The following DIAPH3 variants were observed in gnomAD, a reference collection of about 807,000 sequenced individuals.
DIAPH3 encodes the protein protein diaphanous homolog 3.
In DIAPH3, 117 loss-of-function variants were observed where a neutral mutation model predicts 144.3. That is an observed-to-expected ratio of 0.81 (90% CI 0.70 to 0.95). DIAPH3 has a LOEUF of 0.95. Ranked by LOEUF, DIAPH3 falls within the 40% of genes least tolerant of loss-of-function variation. DIAPH3 has a pLI of 0.00. For missense variants in DIAPH3, 1,421 were observed against 1,412.7 expected, an observed-to-expected ratio of 1.01 and a Z score of -0.09; for synonymous variants, 519 against 488.9, an observed-to-expected ratio of 1.06 and a Z score of -0.81.
At chr13:60,105,099 CAAAAAAAAAAAAAA>C (rs60853102) in intron 3 of DIAPH3, among the ~76,000 whole-genome samples, 2 of 41,840 alleles carry the variant, frequency 4.8e-5, no homozygotes, top group African/African-American at 1.0e-4. Context: ...GACACGATCT[CAAAAAAAAAAAAAA>C]AAAAAAAAAA....
At chr13:59,839,111 TAAATAAAC>T in intron 23 of DIAPH3, 1 of 451,582 alleles carries the variant, frequency 2.2e-6, no homozygotes, top group Non-Finnish European at 3.9e-6. Context: ...AATAAATAAA[TAAATAAAC>T]AAACAGACAG....
chr13:60,155,609 A>T lies in DIAPH3; in HGVS notation c.180+7978T>A, dbSNP rs187980292. Reference sequence around the variant, plus strand: ...ACAATGCCTGGTGTGTGTTAGGTAGAATTCTGACACGAATAAAATTTAGGT... The same window carrying T: ...ACAATGCCTGGTGTGTGTTAGGTAGTATTCTGACACGAATAAAATTTAGGT... On this transcript the variant is annotated intron_variant, in intron 1 of 27. Coordinates refer to ENST00000400324, the MANE Select transcript of DIAPH3 (RefSeq NM_001042517.2). Among the ~76,000 whole-genome samples, 355 of 152,342 alleles carry T rather than the reference A, an allele frequency of 2.3e-3. 2 individuals carry two copies. The highest frequency in any genetic ancestry group is 7.7e-3 in the African/African-American group (319 of 41,572).
At chr13:59,950,879 CAA>C in intron 17 of DIAPH3, among the ~76,000 whole-genome samples, 1 of 151,906 alleles carries the variant, frequency 6.6e-6, no homozygotes, top group South Asian at 2.1e-4. Context: ...TGCTAGAAAA[CAA>C]AAGTTTTGAA....
chr13:60,073,119 G>A (rs1179807209), intron 4 of DIAPH3, among the ~76,000 whole-genome samples: 1 of 152,128 alleles, frequency 6.6e-6, no homozygotes, highest in East Asian at 1.9e-4. Flanking sequence ...GACCAGGCTG[G>A]TAGACATGGC....
rs904728190 is a variant in DIAPH3, at chr13:60,016,465, G to C, written c.627-320C>G. ...GAAAGTATTCACACCAAAGAAACTG[G>C]CAAACCAATCAGAGCCTCCCCCACC... On this transcript the variant is annotated intron_variant, in intron 5 of 27. Transcript: ENST00000400324. Among the ~76,000 whole-genome samples the C allele has an allele frequency of 3.9e-5, 6 of 152,092 alleles. No homozygotes were observed. The East Asian group carries it at 7.7e-4, about 20-fold the overall frequency.
intron 5 of DIAPH3, among the ~76,000 whole-genome samples, chr13:60,041,147 GAACATA>G: frequency 6.6e-6 from 1 of 151,712 alleles, no homozygotes; most frequent in Admixed American, 6.6e-5. Context: ...ATTTTTAAAT[GAACATA>G]TTCTACAGGC....
At chr13:59,917,996 ATGG>A (rs1380272285) in intron 18 of DIAPH3, among the ~76,000 whole-genome samples, 1 of 151,238 alleles carries the variant, frequency 6.6e-6, no homozygotes, top group Non-Finnish European at 1.5e-5. Flanking sequence ...ATCACTGAAG[ATGG>A]TGAAGTAGGG....
chr13:59,745,678 A>G (rs1460227433), intron 27 of DIAPH3, among the ~76,000 whole-genome samples: 1 of 152,230 alleles, frequency 6.6e-6, no homozygotes, highest in African/African-American at 2.4e-5. Context: ...GTATTATACT[A>G]GCTAGGGAAG....
At chr13:59,843,513 T>C (rs182861291) in intron 22 of DIAPH3, among the ~76,000 whole-genome samples, 1 of 152,334 alleles carries the variant, frequency 6.6e-6, no homozygotes, top group African/African-American at 2.4e-5. Flanking sequence ...CAATTTCTCC[T>C]GGGCTTGATT....
At chr13:60,001,768 T>G (rs1165048045) in intron 9 of DIAPH3, among the ~76,000 whole-genome samples, 1 of 152,214 alleles carries the variant, frequency 6.6e-6, no homozygotes, top group Non-Finnish European at 1.5e-5. Context: ...GCCACCAGTA[T>G]GTCATGCAAC....
Position 59,911,830 on chromosome 13 carries a change from T to A in DIAPH3, c.2272A>T (p.Ile758Leu). 6.2e-7 allele frequency: 1 copy of A among 1,608,570 alleles called. No homozygotes were observed. Among genetic ancestry groups the A allele is most frequent in the Non-Finnish European group, 8.5e-7 (1 of 1,175,170 alleles). The change falls in exon 20 of 28, where the codon ATA becomes TTA. Residue 758 changes from isoleucine (I) to leucine (L), a missense_variant. Physicochemically the swap from Ile to Leu is conservative, Grantham distance 5. Coordinates refer to ENST00000400324, the MANE Select transcript of DIAPH3 (RefSeq NM_001042517.2). Reference sequence around the variant, plus strand: ...TGCTCTTGATCAGGAAGATGCTTTATTAAGTTCTAAAAATTAAAACCAGAA... The same window carrying A: ...TGCTCTTGATCAGGAAGATGCTTTAATAAGTTCTAAAAATTAAAACCAGAA... ...RLAESMIQNLIKHLPDQEQLN... is the reference protein window; with the variant it reads ...RLAESMIQNLLKHLPDQEQLN...
chr13:59,716,592 G>A lies in DIAPH3; in HGVS notation c.3320-49746C>T, dbSNP rs184081332. Among the ~76,000 whole-genome samples, 16 of 152,276 alleles carry A rather than the reference G, an allele frequency of 1.1e-4. No homozygotes were observed. The East Asian group carries it at 3.1e-3, about 29-fold the overall frequency. On this transcript the variant is annotated intron_variant, in intron 27 of 27. Coordinates refer to ENST00000400324, the MANE Select transcript of DIAPH3 (RefSeq NM_001042517.2). ...CAATACACTAAACCCTTCATATGCTGAATAGCTCCTAGTGCTTGGAAACCC... is the reference window on the plus strand; with the variant it reads ...CAATACACTAAACCCTTCATATGCTAAATAGCTCCTAGTGCTTGGAAACCC...
At chr13:60,032,243 T>C (rs1347636385) in intron 5 of DIAPH3, among the ~76,000 whole-genome samples, 2 of 152,160 alleles carry the variant, frequency 1.3e-5, no homozygotes, top group Admixed American at 1.3e-4. Context: ...CTACCATTCT[T>C]GGGTCTGAAG....
chr13:60,068,230 G>A (rs1414652067), intron 4 of DIAPH3, among the ~76,000 whole-genome samples: 1 of 152,134 alleles, frequency 6.6e-6, no homozygotes, highest in African/African-American at 2.4e-5. Flanking sequence ...AGTTCCAGGA[G>A]TGGATTCTTG....
intron 2 of DIAPH3, among the ~76,000 whole-genome samples, chr13:60,126,595 A>T (rs2058997690): frequency 6.6e-6 from 1 of 152,210 alleles, no homozygotes; most frequent in Non-Finnish European, 1.5e-5. Flanking sequence ...GAACAGCACT[A>T]CCAACCATTC....
At chr13:60,094,935 GT>G (rs1566765003) in intron 3 of DIAPH3, among the ~76,000 whole-genome samples, 1 of 152,142 alleles carries the variant, frequency 6.6e-6, no homozygotes, top group East Asian at 1.9e-4. Flanking sequence ...ATAAGTGTTT[GT>G]TTTGTTTCGT....
chr13:59,905,104 AG>A (rs2046652711), intron 20 of DIAPH3, among the ~76,000 whole-genome samples: 1 of 152,004 alleles, frequency 6.6e-6, no homozygotes, highest in African/African-American at 2.4e-5. Flanking sequence ...GCAGTTTGGG[AG>A]GCCGAGACGG....
chr13:59,859,084 A>T (rs2043422495), intron 22 of DIAPH3, among the ~76,000 whole-genome samples: 1 of 152,320 alleles, frequency 6.6e-6, no homozygotes, highest in South Asian at 2.1e-4. Context: ...AAGCAAACAC[A>T]CTTACCTCAT....
chr13:60,094,354 C>G (rs994017963), intron 3 of DIAPH3, among the ~76,000 whole-genome samples: 4 of 152,110 alleles, frequency 2.6e-5, no homozygotes, highest in African/African-American at 9.7e-5. Context: ...CAGCACCAAC[C>G]AAAATAAGGG....
Sources: allele counts gnomAD v4.1 joint callset (sites outside exome capture counted in the v4.1 genomes callset), GRCh38; gene constraint gnomAD v4.1.1; transcripts MANE v1.5; gene names NCBI Gene and HGNC (gene_info 2026-07-23, HGNC 2026-07-21).